The following SAFB variants were observed in gnomAD, a reference collection of about 807,000 sequenced individuals.
SAFB encodes scaffold attachment factor B, also known as scaffold attachment factor B1.
SAFB carries 15 observed loss-of-function variants against 101.6 expected under a neutral mutation model. That is an observed-to-expected ratio of 0.15 (90% confidence interval 0.10 to 0.23). The LOEUF (loss-of-function observed/expected upper bound fraction) is 0.23. Ranked by LOEUF, SAFB falls within the 10% of genes least tolerant of loss-of-function variation. The pLI is 1.00. For missense variants in SAFB, 930 were observed against 1,104.1 expected, an observed-to-expected ratio of 0.84 and a Z score of 2.23; for synonymous variants, 449 against 407.5, an observed-to-expected ratio of 1.10 and a Z score of -1.23.
chr19:5,649,791 T>C (rs566444206), intron 7 of SAFB, 135 bp from the exon 8 acceptor site: 161 of 863,772 alleles, frequency 1.9e-4, no homozygotes, highest in Non-Finnish European at 2.8e-4. Context: ...AGATTTTCAA[T>C]ACAAGTTTGT....
rs1204221211 is a variant in SAFB, at chr19:5,653,165, T to C, written c.1344T>C (p.Cys448=). Residue 448 remains cysteine, a synonymous_variant, in exon 10 of 21, where the codon TGT becomes TGC. Coordinates refer to ENST00000588852, the MANE Select transcript of SAFB (RefSeq NM_001201338.2). ...VTNARSPGAR[C]YGFVTMSTAE... Reference sequence around the variant, plus strand: ...ATGCCCGGAGTCCTGGAGCTCGCTGTTACGGTTTTGTCACGATGTCCACAG... The same window carrying C: ...ATGCCCGGAGTCCTGGAGCTCGCTGCTACGGTTTTGTCACGATGTCCACAG... The C allele has an allele frequency of 6.2e-7, 1 of 1,614,062 alleles. No individual in the cohort carries two copies.
intron 8 of SAFB, among the ~76,000 whole-genome samples, chr19:5,650,482 G>C (rs2053914161): frequency 6.6e-6 from 1 of 152,120 alleles, no homozygotes; most frequent in African/African-American, 2.4e-5. Flanking sequence ...CGCGATCTCA[G>C]CTCACTGCAA....
In SAFB at chr19:5,667,523, C is replaced by A; in HGVS notation, c.2557+73C>A. ...GAAAGATGGAGGCCGCGCCTTCTCT[C>A]CTTGGGGGAGCACAGGAGGTGCTCT... On this transcript the variant is annotated intron_variant, in intron 19 of 20. Transcript: ENST00000588852. The surrounding 1 kb of genome is among the most constrained non-coding windows in gnomAD (Gnocchi z 4.0). 1 of 1,090,696 alleles carries A rather than the reference C, an allele frequency of 9.2e-7. No individual in the cohort carries two copies. The highest frequency in any genetic ancestry group is 1.5e-5 in the South Asian group (1 of 68,568). 67.6% of individuals were successfully genotyped at this position (1,090,696 alleles called of 1,614,324 possible).
chr19:5,666,676 CAGTA>C (rs2054333634), intron 17 of SAFB: 1 of 281,346 alleles, frequency 3.6e-6, no homozygotes, highest in African/African-American at 2.2e-5. Context: ...TAGTAGAAGA[CAGTA>C]AGAGAATACT....
intron 17 of SAFB, 118 bp downstream of exon 17, chr19:5,664,557 A>G (rs2054287609): frequency 3.8e-6 from 3 of 793,752 alleles, no homozygotes; most frequent in Non-Finnish European, 6.5e-6. Context: ...GAAAGAGAAA[A>G]GTAAAGCACT....
chr19:5,626,097 A>G (rs759633293), intron 1 of SAFB, among the ~76,000 whole-genome samples: 5 of 152,206 alleles, frequency 3.3e-5, no homozygotes, highest in Non-Finnish European at 7.3e-5. Context: ...CATGGCTAGT[A>G]GAGTCCTCAC....
chr19:5,640,017 T>G (rs978899132), intron 2 of SAFB, among the ~76,000 whole-genome samples: 5 of 151,714 alleles, frequency 3.3e-5, no homozygotes, highest in African/African-American at 4.8e-5. Context: ...TTGTTTTTTG[T>G]TTTTTTGGTT....
chr19:5,657,736 G>A (rs1312426710), intron 14 of SAFB, among the ~76,000 whole-genome samples: 1 of 151,910 alleles, frequency 6.6e-6, no homozygotes, highest in Non-Finnish European at 1.5e-5. Context: ...TGTTGGCTAG[G>A]CTGGTCTGAA....
intron 2 of SAFB, among the ~76,000 whole-genome samples, chr19:5,635,008 C>T (rs2053565138): frequency 6.6e-6 from 1 of 152,078 alleles, no homozygotes; most frequent in Non-Finnish European, 1.5e-5. Flanking sequence ...TGTGGTGGCA[C>T]GTGCCGGTAA....
chr19:5,663,920 G>C, intron 15 of SAFB, 102 bp from the exon 16 acceptor site: 1 of 1,299,052 alleles, frequency 7.7e-7, no homozygotes, highest in East Asian at 2.3e-5. Context: ...CTTGGTGAAA[G>C]TCATCCTGGT....
chr19:5,652,165 C>G (rs1314422767), intron 9 of SAFB, among the ~76,000 whole-genome samples: 1 of 151,644 alleles, frequency 6.6e-6, no homozygotes, highest in Admixed American at 6.6e-5. Context: ...TGCACTCCAG[C>G]CTGGGACAGA....
chr19:5,624,331 AAC>A (rs1172979592), intron 1 of SAFB, among the ~76,000 whole-genome samples: 1 of 151,478 alleles, frequency 6.6e-6, no homozygotes, highest in Non-Finnish European at 1.5e-5. Context: ...GGCGCATGTA[AAC>A]ACTCGGTGTG....
chr19:5,653,638 T>C (rs2145460708), intron 11 of SAFB, among the ~76,000 whole-genome samples: 1 of 152,248 alleles, frequency 6.6e-6, no homozygotes, highest in Admixed American at 6.5e-5. Flanking sequence ...CTAATTTTTG[T>C]ATTTTCAGTA....
At chr19:5,635,983 C>T (rs967686367) in intron 2 of SAFB, among the ~76,000 whole-genome samples, 2 of 151,954 alleles carry the variant, frequency 1.3e-5, no homozygotes, top group African/African-American at 4.8e-5. Context: ...TTCCTCAAGT[C>T]GTGATGATTA....
intron 14 of SAFB, among the ~76,000 whole-genome samples, 191 bp downstream of exon 14, chr19:5,657,538 T>G (rs2054091458): frequency 6.6e-6 from 1 of 152,218 alleles, no homozygotes. Flanking sequence ...TTTTCTTTTT[T>G]CTTTTTGGAG....
At chr19:5,646,522 T>A (rs1257969794) in intron 5 of SAFB, among the ~76,000 whole-genome samples, 3 of 152,174 alleles carry the variant, frequency 2.0e-5, no homozygotes, top group East Asian at 1.9e-4. Flanking sequence ...TAGGAATGTA[T>A]TTGCTTCTCT....
At chr19:5,659,272 T>C (rs1370402619) in intron 14 of SAFB, among the ~76,000 whole-genome samples, 3 of 151,906 alleles carry the variant, frequency 2.0e-5, no homozygotes, top group Admixed American at 6.6e-5. Flanking sequence ...ACCATTGCAC[T>C]CCAGCCTGGG....
At position 5,657,221 on chromosome 19, in the gene SAFB, A is replaced by G. The variant is rs779356193; in HGVS notation, c.1756-20A>G. 10 of 1,600,884 alleles carry G rather than the reference A, an allele frequency of 6.2e-6. No individual in the cohort carries two copies. The highest frequency in any genetic ancestry group is 8.6e-6 in the Non-Finnish European group (10 of 1,168,908). On this transcript the variant is annotated intron_variant, in intron 13 of 20. Coordinates refer to ENST00000588852, the MANE Select transcript of SAFB (RefSeq NM_001201338.2). The stretch of plus-strand genomic sequence containing the variant: ...TGCCTGGCCTCTGCTTTAACTTTTT[A>G]ATGTTCTTTGGTGAACTAGGCTTCC...
At chr19:5,652,083 C>T (rs1035360577) in intron 9 of SAFB, among the ~76,000 whole-genome samples, 1 of 151,972 alleles carries the variant, frequency 6.6e-6, no homozygotes, top group African/African-American at 2.4e-5. Context: ...ATCCCAGGTA[C>T]TTGGGACGCT....
Sources: allele counts gnomAD v4.1 joint callset (sites outside exome capture counted in the v4.1 genomes callset), GRCh38; gene constraint gnomAD v4.1.1; non-coding constraint Gnocchi (gnomAD v3.1); transcripts MANE v1.5; gene names NCBI Gene and HGNC (gene_info 2026-07-23, HGNC 2026-07-21).